The following CRTAC1 variants were observed in gnomAD, a reference collection of about 807,000 sequenced individuals.
CRTAC1 encodes the protein cartilage acidic protein 1, also known as acidic secreted protein in cartilage.
CRTAC1 carries 37 observed loss-of-function variants against 67.8 expected under a neutral mutation model. The ratio of observed to expected loss-of-function variants is 0.55; its 90% CI spans 0.42 to 0.72. The LOEUF is 0.72. CRTAC1 is among the 30% of genes least tolerant of loss of function. The probability of loss-of-function intolerance (pLI) is 0.00; values close to 1 mark genes in which losing one functional copy is unlikely to be tolerated. For missense variants in CRTAC1, 780 were observed against 931.6 expected (o/e 0.84, Z 2.12); for synonymous variants, 348 against 371.0 (o/e 0.94, Z 0.71).
intron 5 of CRTAC1, among the ~76,000 whole-genome samples, chr10:97,916,302 A>G (rs1220174520): frequency 6.6e-6 from 1 of 152,210 alleles, no homozygotes; most frequent in African/African-American, 2.4e-5. Context: ...GGGGAAACAT[A>G]GTTTATTACT....
intron 3 of CRTAC1, among the ~76,000 whole-genome samples, chr10:97,925,950 A>G (rs577496869): frequency 6.6e-6 from 1 of 152,282 alleles, no homozygotes; most frequent in East Asian, 1.9e-4. Flanking sequence ...GGACCCCTTG[A>G]GACCACAGGA....
At chr10:98,008,885 T>C (rs1564933438) in intron 2 of CRTAC1, among the ~76,000 whole-genome samples, 1 of 151,986 alleles carries the variant, frequency 6.6e-6, no homozygotes, top group East Asian at 1.9e-4. Context: ...GGTCACCAAG[T>C]AGGAGGCAGG....
At chr10:97,903,761 C>T (rs1368874145) in intron 7 of CRTAC1, among the ~76,000 whole-genome samples, 4 of 152,110 alleles carry the variant, frequency 2.6e-5, no homozygotes, top group Non-Finnish European at 4.4e-5. Flanking sequence ...GTTCCAAACC[C>T]ATGCCCCTCA....
chr10:97,925,056 C>T (rs2050892906), intron 3 of CRTAC1, among the ~76,000 whole-genome samples: 1 of 152,094 alleles, frequency 6.6e-6, no homozygotes, highest in Non-Finnish European at 1.5e-5. Flanking sequence ...CACTTGAGCC[C>T]AGGAGTTCTA....
chr10:97,876,954 T>G (rs1416370074), intron 14 of CRTAC1, among the ~76,000 whole-genome samples: 2 of 140,072 alleles, frequency 1.4e-5, no homozygotes, highest in Admixed American at 7.2e-5. Context: ...TGTTTTTTTT[T>G]TTTTTTTTTT....
intron 1 of CRTAC1, among the ~76,000 whole-genome samples, chr10:98,018,389 C>T (rs940189662): frequency 6.6e-6 from 1 of 151,934 alleles, no homozygotes; most frequent in Non-Finnish European, 1.5e-5. Context: ...GCCAAGATTT[C>T]AAGGGTTAAG....
chr10:97,882,676 C>T, intron 13 of CRTAC1, 110 bp downstream of exon 13: 2 of 1,112,582 alleles, frequency 1.8e-6, no homozygotes, highest in Non-Finnish European at 2.6e-6. Context: ...CCTCCCCTGT[C>T]CTCCTTTCTG....
At chr10:97,945,322 C>A (rs2051246994) in intron 2 of CRTAC1, among the ~76,000 whole-genome samples, 1 of 152,180 alleles carries the variant, frequency 6.6e-6, no homozygotes, top group Non-Finnish European at 1.5e-5. Context: ...TCCTGTTTTT[C>A]TACTCCTCTT....
chr10:97,868,663 A>G (rs574225578), intron 14 of CRTAC1: 68 of 152,250 alleles, frequency 4.5e-4, no homozygotes, highest in African/African-American at 1.5e-3. Flanking sequence ...GTTCTCTAAT[A>G]TGAGGGCAGG....
At chr10:98,003,113 GA>G (rs1408696877) in intron 2 of CRTAC1, among the ~76,000 whole-genome samples, 1 of 152,094 alleles carries the variant, frequency 6.6e-6, no homozygotes, top group African/African-American at 2.4e-5. Context: ...GACAGGGATT[GA>G]CGTTGATTAC....
intron 2 of CRTAC1, among the ~76,000 whole-genome samples, chr10:97,997,019 A>G (rs1281704286): frequency 2.1e-5 from 3 of 140,848 alleles, no homozygotes; most frequent in South Asian, 2.4e-4. Flanking sequence ...CTCACTCATA[A>G]GTGGGAATTG....
At chr10:97,989,330 T>C (rs752631112) in intron 2 of CRTAC1, among the ~76,000 whole-genome samples, 1 of 152,194 alleles carries the variant, frequency 6.6e-6, no homozygotes, top group East Asian at 1.9e-4. Context: ...TTCTGAGAGA[T>C]GTGTTGTTAG....
intron 1 of CRTAC1, among the ~76,000 whole-genome samples, chr10:98,021,019 T>A (rs1843107554): frequency 7.3e-6 from 1 of 137,320 alleles, no homozygotes; most frequent in South Asian, 2.1e-4. Context: ...ACTCATTCAT[T>A]CATTCATTCA....
chr10:97,995,258 A>ATGGGGCTTCCTGCACATAC (rs1842539734), intron 2 of CRTAC1, among the ~76,000 whole-genome samples: 1 of 152,108 alleles, frequency 6.6e-6, no homozygotes, highest in Admixed American at 6.6e-5. Context: ...TTCTTGGTGC[A>ATGGGGCTTCCTGCACATAC]TGGGGCTTCC....
chr10:97,876,586 T>C (rs1260412528), intron 14 of CRTAC1, among the ~76,000 whole-genome samples: 1 of 152,132 alleles, frequency 6.6e-6, no homozygotes, highest in Non-Finnish European at 1.5e-5. Context: ...GCTCCTCCAT[T>C]TGCATAATCC....
chr10:98,030,324 G>T lies in CRTAC1; in HGVS notation c.24+125C>A. On this transcript the variant is annotated intron_variant, in intron 1 of 14. Coordinates refer to ENST00000370597, the MANE Select transcript of CRTAC1 (RefSeq NM_018058.7). The surrounding 1 kb of genome is among the most constrained non-coding windows in gnomAD (Gnocchi z 4.2). Reference sequence around the variant, plus strand: ...TTAGGAGCGAAGCCGCCGCCTTCGCGATCCCAGTCTTCCCGGGTTCCCGGG... The same window carrying T: ...TTAGGAGCGAAGCCGCCGCCTTCGCTATCCCAGTCTTCCCGGGTTCCCGGG... The T allele has an allele frequency of 1.7e-6, 1 of 578,564 alleles. No individual in the cohort carries two copies. The allele number at this position is 578,564 out of a possible 1,614,324, so 35.8% of individuals were successfully genotyped here. A position where few individuals can be genotyped will look rare whatever the true frequency, so the allele number is the denominator to read the frequency against.
chr10:97,885,720 G>A (rs12269125), intron 11 of CRTAC1, among the ~76,000 whole-genome samples: 13,724 of 152,144 alleles, frequency 0.09, 753 homozygotes, highest in African/African-American at 0.14. Flanking sequence ...GGAGAGCTGT[G>A]CCCAGCACAG....
At chr10:97,963,653 G>C (rs1169079761) in intron 2 of CRTAC1, among the ~76,000 whole-genome samples, 1 of 152,198 alleles carries the variant, frequency 6.6e-6, no homozygotes, top group Non-Finnish European at 1.5e-5. Flanking sequence ...TAAAAAAATA[G>C]AAATTCCTCA....
chr10:97,905,542 G>T lies in CRTAC1; in HGVS notation c.851-728C>A, dbSNP rs180786000. Among the ~76,000 whole-genome samples, 5 of 152,262 alleles carry T rather than the reference G, an allele frequency of 3.3e-5. No homozygotes were observed. The South Asian group carries it at 1.0e-3, about 32-fold the overall frequency. ...CTCCAACATGTTGATCACAATGTGC[G>T]GTTACGTTCCTTTGTGGTTGACTTG... is the stretch of plus-strand genomic sequence containing the variant. On this transcript the variant is annotated intron_variant, in intron 6 of 14. Coordinates refer to ENST00000370597, the MANE Select transcript of CRTAC1 (RefSeq NM_018058.7).
Sources: allele counts gnomAD v4.1 joint callset (sites outside exome capture counted in the v4.1 genomes callset), GRCh38; gene constraint gnomAD v4.1.1; non-coding constraint Gnocchi (gnomAD v3.1); transcripts MANE v1.5; gene names NCBI Gene and HGNC (gene_info 2026-07-23, HGNC 2026-07-21).